TMEM230: variants seen among roughly 807,000 people sequenced by gnomAD.
The protein encoded by TMEM230 is transmembrane protein 230.
TMEM230 carries 10 observed loss-of-function variants against 15.8 expected under a neutral mutation model. The observed-to-expected ratio is 0.63, with a 90% confidence interval of 0.39 to 1.07. The LOEUF (loss-of-function observed/expected upper bound fraction) is 1.07. Among genes scored for constraint, TMEM230 ranks in the 50% least tolerant of loss-of-function variants. The pLI, the probability that TMEM230 is intolerant of heterozygous loss-of-function variation, is 0.01. For synonymous variants in TMEM230, 67 were observed against 76.9 expected (o/e 0.87, Z 0.68); for missense variants, 165 against 193.3 (o/e 0.85, Z 0.87).
At chr20:5,080,092 T>C (rs1023767681) in intron 3 of TMEM230, among the ~76,000 whole-genome samples, 3 of 152,236 alleles carry the variant, frequency 2.0e-5, no homozygotes, top group South Asian at 2.1e-4. Context: ...TTTATAGTTA[T>C]TGTGAATGAG....
At chr20:5,062,800 A>G in the TMEM230 span, among the ~76,000 whole-genome samples, 1 of 152,162 alleles carries the variant, frequency 6.6e-6, no homozygotes, top group African/African-American at 2.4e-5. Flanking sequence ...AGCAGTCCCT[A>G]AACAGAACTG....
intron 3 of TMEM230, among the ~76,000 whole-genome samples, chr20:5,077,585 G>C (rs57500875): frequency 7.6e-6 from 1 of 132,126 alleles, no homozygotes; most frequent in South Asian, 2.3e-4. Flanking sequence ...TGTAATCCCA[G>C]CACTTTGGGG....
intron 3 of TMEM230, among the ~76,000 whole-genome samples, chr20:5,083,590 T>C (rs1568485901): frequency 6.6e-6 from 1 of 152,130 alleles, no homozygotes; most frequent in African/African-American, 2.4e-5. Flanking sequence ...ACAGCTTGGT[T>C]TTATCTTATT....
At chr20:5,064,269 AAAC>A (rs770391468), downstream of TMEM230, among the ~76,000 whole-genome samples, 1 of 151,048 alleles carries the variant, frequency 6.6e-6, no homozygotes, top group Non-Finnish European at 1.5e-5. Flanking sequence ...TCCATCTCAA[AAAC>A]AACAAAAACA....
At chr20:5,094,422 T>A (rs896674016) in intron 3 of TMEM230, among the ~76,000 whole-genome samples, 14 of 151,388 alleles carry the variant, frequency 9.2e-5, no homozygotes, top group Admixed American at 3.3e-4. Context: ...TAAAAAAAAA[T>A]TTTTGGCCAG....
In TMEM230 at chr20:5,112,871, G is replaced by A. The variant is rs1027768938; in HGVS notation, c.68+90C>T. On this transcript the variant is annotated intron_variant, in intron 1 of 4. Transcript: ENST00000342308. ...ACGAATGCCCCACACGGATGACTCG[G>A]AGCTTGATTTCGGCGGGGAGCGCGG... 47 of 1,547,852 alleles carry A rather than the reference G, an allele frequency of 3.0e-5. No individual in the cohort carries two copies. The South Asian group carries it at 5.6e-4, about 18-fold the overall frequency.
intron 3 of TMEM230, among the ~76,000 whole-genome samples, chr20:5,085,661 G>A (rs1445014794): frequency 1.3e-5 from 2 of 152,086 alleles, no homozygotes; most frequent in African/African-American, 2.4e-5. Flanking sequence ...GGTGTCAGGA[G>A]TTGTGATATG....
At chr20:5,103,099 C>T (rs776843072) in intron 4 of TMEM230, among the ~76,000 whole-genome samples, 7 of 152,140 alleles carry the variant, frequency 4.6e-5, no homozygotes, top group Non-Finnish European at 1.0e-4. Flanking sequence ...TGTGGTGGCT[C>T]ACGCCTGTAA....
chr20:5,099,368 G>A (rs6116646), downstream of TMEM230, among the ~76,000 whole-genome samples: 12 of 151,964 alleles, frequency 7.9e-5, no homozygotes, highest in Non-Finnish European at 1.8e-4. Context: ...TCAAGGCTCA[G>A]GCACTCTAGA....
intron 3 of TMEM230, among the ~76,000 whole-genome samples, chr20:5,089,285 G>A (rs1458970254): frequency 6.6e-6 from 1 of 152,006 alleles, no homozygotes; most frequent in African/African-American, 2.4e-5. Context: ...TGAGGCAGGA[G>A]AATCGCTTGA....
At chr20:5,101,471 G>T (rs1266563286) in intron 4 of TMEM230, among the ~76,000 whole-genome samples, 1 of 151,868 alleles carries the variant, frequency 6.6e-6, no homozygotes. Flanking sequence ...GCTCGGGCTG[G>T]AGTACAGTGG....
At position 5,100,835 on chromosome 20, in the gene TMEM230, AGCCT is replaced by A. The variant is rs2089824846; in HGVS notation, c.504_507del (p.Lys168AsnfsTer41). On this transcript the variant is annotated frameshift_variant, in exon 5 of 5. Coordinates refer to ENST00000342308, the MANE Select transcript of TMEM230 (RefSeq NM_001009923.2). LOFTEE classifies it high-confidence loss of function. ...ATGTCATCATAGGAGTAACCACGGTAGCCTTTGGATGCATAGTAAGCGATGCGCA... is the reference window on the plus strand; with the variant it reads ...ATGTCATCATAGGAGTAACCACGGTATTGGATGCATAGTAAGCGATGCGCA... 6.2e-7 allele frequency: 1 copy of A among 1,614,044 alleles called. No homozygotes were observed. Among genetic ancestry groups the A allele is most frequent in the African/African-American group, 1.3e-5 (1 of 74,938 alleles).
chr20:5,083,243 T>C (rs931996889), intron 3 of TMEM230, among the ~76,000 whole-genome samples: 1 of 151,532 alleles, frequency 6.6e-6, no homozygotes, highest in Non-Finnish European at 1.5e-5. Flanking sequence ...CTTCATATAC[T>C]TGATGATGTT....
chr20:5,066,499 G>A (rs181018825), downstream of TMEM230, among the ~76,000 whole-genome samples: 358 of 152,048 alleles, frequency 2.4e-3, 1 homozygote, highest in Middle Eastern at 0.014. Context: ...GTGAAACCCC[G>A]TTTCTACTAA....
At chr20:5,065,390 C>G (rs995875044), downstream of TMEM230, among the ~76,000 whole-genome samples, 1 of 152,170 alleles carries the variant, frequency 6.6e-6, no homozygotes, top group Non-Finnish European at 1.5e-5. Context: ...CACTGGTGAT[C>G]TTAGGGGATG....
intron 4 of TMEM230, among the ~76,000 whole-genome samples, chr20:5,104,636 G>C (rs991839099): frequency 3.9e-5 from 6 of 152,226 alleles, no homozygotes; most frequent in Admixed American, 2.6e-4. Flanking sequence ...TTCTTCAACA[G>C]ACAAGTGAAT....
the TMEM230 span, among the ~76,000 whole-genome samples, chr20:5,060,094 T>C: frequency 6.6e-6 from 1 of 152,000 alleles, no homozygotes; most frequent in African/African-American, 2.4e-5. Flanking sequence ...TAATCTTCTG[T>C]AGTGATGACT....
intron 3 of TMEM230, among the ~76,000 whole-genome samples, chr20:5,074,006 G>T (rs1410326066): frequency 6.6e-6 from 1 of 152,172 alleles, no homozygotes; most frequent in Non-Finnish European, 1.5e-5. Context: ...CATGTCACAT[G>T]GTGGGAACAA....
chr20:5,061,370 G>A, the TMEM230 span: 36 of 152,092 alleles, frequency 2.4e-4, no homozygotes, highest in African/African-American at 7.7e-4. Context: ...TGTAGTTTCC[G>A]AACTGGCAGC....
Sources: allele counts gnomAD v4.1 joint callset (sites outside exome capture counted in the v4.1 genomes callset), GRCh38; gene constraint gnomAD v4.1.1; transcripts MANE v1.5; gene names NCBI Gene and HGNC (gene_info 2026-07-23, HGNC 2026-07-21).